CDH18: variants seen among roughly 807,000 people sequenced by gnomAD.
The protein encoded by CDH18 is cadherin-18.
A neutral mutation model predicts 67.9 loss-of-function variants in CDH18; 31 were observed. That is an observed-to-expected ratio of 0.46 (90% CI 0.34 to 0.62). CDH18 has a LOEUF of 0.62. Among genes scored for constraint, CDH18 ranks in the 20% least tolerant of loss-of-function variants. CDH18 has a pLI of 0.01. For synonymous variants in CDH18, 362 were observed against 347.2 expected, an observed-to-expected ratio of 1.04 and a Z score of -0.48; for missense variants, 890 against 975.5, an observed-to-expected ratio of 0.91 and a Z score of 1.17.
At chr5:20,566,330 T>G (rs1483086235) in intron 1 of CDH18, among the ~76,000 whole-genome samples, 1 of 151,576 alleles carries the variant, frequency 6.6e-6, no homozygotes, top group Non-Finnish European at 1.5e-5. Context: ...CCTTAAAAGC[T>G]TTCTGATTCT....
At chr5:19,914,421 A>G (rs1458108112) in intron 2 of CDH18, among the ~76,000 whole-genome samples, 2 of 152,060 alleles carry the variant, frequency 1.3e-5, no homozygotes, top group African/African-American at 4.8e-5. Context: ...TCAGGTAGTC[A>G]ATTGTTTGCT....
intron 1 of CDH18, among the ~76,000 whole-genome samples, chr5:20,335,445 G>A (rs73763375): frequency 6.6e-6 from 1 of 151,848 alleles, no homozygotes; most frequent in Non-Finnish European, 1.5e-5. Context: ...GTCTTGCTCT[G>A]TTGCCCAGGG....
intron 2 of CDH18, among the ~76,000 whole-genome samples, chr5:20,210,486 T>G (rs1223300927): frequency 6.6e-6 from 1 of 152,040 alleles, no homozygotes; most frequent in Non-Finnish European, 1.5e-5. Context: ...AAAATTGTAT[T>G]GCTTAAATGA....
At chr5:20,283,837 A>T (rs1476955601) in intron 1 of CDH18, among the ~76,000 whole-genome samples, 1 of 152,110 alleles carries the variant, frequency 6.6e-6, no homozygotes, top group Non-Finnish European at 1.5e-5. Context: ...AATTTCCAAG[A>T]TTTGGAAGCA....
chr5:20,310,939 C>T (rs574915942), intron 1 of CDH18, among the ~76,000 whole-genome samples: 2 of 152,218 alleles, frequency 1.3e-5, no homozygotes, highest in East Asian at 1.9e-4. Flanking sequence ...TATCCAGTAA[C>T]GACCAAATAT....
intron 5 of CDH18, among the ~76,000 whole-genome samples, chr5:19,696,179 A>G (rs1171570676): frequency 6.6e-6 from 1 of 152,082 alleles, no homozygotes; most frequent in African/African-American, 2.4e-5. Context: ...CATAAGATTT[A>G]GTGGAAAAGA....
At chr5:20,469,402 A>G (rs1009325451) in intron 1 of CDH18, among the ~76,000 whole-genome samples, 2 of 152,168 alleles carry the variant, frequency 1.3e-5, no homozygotes, top group African/African-American at 4.8e-5. Context: ...AAAATAGGAA[A>G]CTTTTATCTT....
intron 2 of CDH18, chr5:19,886,069 A>G (rs1018503300): frequency 4.6e-5 from 7 of 152,208 alleles, no homozygotes; most frequent in Non-Finnish European, 1.0e-4. Flanking sequence ...GTTTCTTCTT[A>G]AAGCAAAAAA....
chr5:19,786,632 A>G (rs1775801052), intron 3 of CDH18, among the ~76,000 whole-genome samples: 1 of 152,126 alleles, frequency 6.6e-6, no homozygotes, highest in African/African-American at 2.4e-5. Flanking sequence ...TCATCCTTCA[A>G]TGTTCCTGAT....
At chr5:19,791,296 C>T (rs926132265) in intron 3 of CDH18, among the ~76,000 whole-genome samples, 1 of 150,138 alleles carries the variant, frequency 6.7e-6, no homozygotes, top group Non-Finnish European at 1.5e-5. Context: ...CAGGTACTCA[C>T]GGAACACAGA....
intron 8 of CDH18, among the ~76,000 whole-genome samples, chr5:19,549,629 A>G (rs1736986588): frequency 6.7e-6 from 1 of 149,240 alleles, no homozygotes; most frequent in South Asian, 2.2e-4. Context: ...AGAAGGAAGG[A>G]AGAAAAATGG....
chr5:19,532,327 C>T (rs75241948), intron 9 of CDH18, among the ~76,000 whole-genome samples: 2,771 of 152,150 alleles, frequency 0.018, 71 homozygotes, highest in African/African-American at 0.062. Context: ...TTATGCTTGT[C>T]ACTGGGTTGT....
intron 1 of CDH18, among the ~76,000 whole-genome samples, chr5:20,307,741 TAC>T (rs1736595798): frequency 1.3e-5 from 2 of 151,634 alleles, no homozygotes; most frequent in South Asian, 2.1e-4. Context: ...AGATATAAAA[TAC>T]AGTGTGATTA....
intron 2 of CDH18, among the ~76,000 whole-genome samples, chr5:20,126,017 G>A: frequency 6.6e-6 from 1 of 152,156 alleles, no homozygotes; most frequent in East Asian, 1.9e-4. Context: ...GCAATCTTGA[G>A]AAAGATGAAC....
intron 2 of CDH18, among the ~76,000 whole-genome samples, chr5:19,903,336 A>AT (rs1035615801): frequency 2.8e-4 from 42 of 151,684 alleles, no homozygotes; most frequent in African/African-American, 8.7e-4. Context: ...GAAAATTAGA[A>AT]TTTTTTGTAG....
At chr5:19,645,320 G>C (rs180786154) in intron 5 of CDH18, among the ~76,000 whole-genome samples, 19 of 152,288 alleles carry the variant, frequency 1.2e-4, no homozygotes, top group Admixed American at 1.2e-3. Context: ...TGTAAAGAAA[G>C]CCTTCCAGGC....
chr5:20,294,668 G>T (rs1000779679), intron 1 of CDH18, among the ~76,000 whole-genome samples: 1 of 152,058 alleles, frequency 6.6e-6, no homozygotes, highest in Non-Finnish European at 1.5e-5. Context: ...ATTTCCCAAG[G>T]TTCCTAATCT....
At chr5:19,615,899 T>C (rs1405186076) in intron 5 of CDH18, among the ~76,000 whole-genome samples, 3 of 152,210 alleles carry the variant, frequency 2.0e-5, no homozygotes, top group Non-Finnish European at 4.4e-5. Flanking sequence ...TATTCCATTA[T>C]CTGCATGGAC....
At chr5:19,610,330 A>G (rs1026632440) in intron 6 of CDH18, among the ~76,000 whole-genome samples, 2 of 152,080 alleles carry the variant, frequency 1.3e-5, no homozygotes, top group African/African-American at 4.8e-5. Flanking sequence ...TGACACTATT[A>G]TTGATCAACA....
Sources: allele counts gnomAD v4.1 joint callset (sites outside exome capture counted in the v4.1 genomes callset), GRCh38; gene constraint gnomAD v4.1.1; transcripts MANE v1.5; gene names NCBI Gene and HGNC (gene_info 2026-07-23, HGNC 2026-07-21).